Variants in GAB4 observed in about 807,000 individuals in gnomAD.
GAB4 encodes GRB2-associated-binding protein 4.
GAB4 carries 26 observed loss-of-function variants against 51.3 expected under a neutral mutation model. The ratio of observed to expected loss-of-function variants is 0.51; its 90% CI spans 0.37 to 0.70. The LOEUF (loss-of-function observed/expected upper bound fraction) is 0.70, where lower values mean the gene tolerates loss of function less well. Ranked by LOEUF, GAB4 falls within the 30% of genes least tolerant of loss-of-function variation. The probability of loss-of-function intolerance (pLI) is 0.00; values close to 1 mark genes in which losing one functional copy is unlikely to be tolerated. For synonymous variants in GAB4, 329 were observed against 291.2 expected, an observed-to-expected ratio of 1.13 and a Z score of -1.32; for missense variants, 759 against 734.6, an observed-to-expected ratio of 1.03 and a Z score of -0.38.
At chr22:17,004,352 A>G (rs886654493) in intron 1 of GAB4, among the ~76,000 whole-genome samples, 12 of 152,234 alleles carry the variant, frequency 7.9e-5, no homozygotes, top group Admixed American at 7.2e-4. Flanking sequence ...TCCTGATACA[A>G]AACCCTAGCA....
At chr22:16,975,634 T>A (rs907718027) in intron 3 of GAB4, among the ~76,000 whole-genome samples, 9 of 152,118 alleles carry the variant, frequency 5.9e-5, no homozygotes, top group African/African-American at 2.2e-4. Context: ...AAGCAGCATA[T>A]CTCCCAGCAC....
chr22:16,965,670 C>A (rs191527849), intron 6 of GAB4, among the ~76,000 whole-genome samples: 41 of 152,326 alleles, frequency 2.7e-4, no homozygotes, highest in Non-Finnish European at 5.4e-4. Context: ...AGCAGGTAGA[C>A]ACCATGAGGT....
rs1387384884 is a variant in GAB4 at position 16,962,648 on chromosome 22, G to C, written c.*85C>G. The C allele has an allele frequency of 4.0e-6, 5 of 1,262,528 alleles. No individual in the cohort carries two copies. In the Admixed American group the frequency reaches 6.2e-5, roughly 16 times the overall value. 78.2% of individuals were successfully genotyped at this position (1,262,528 alleles called of 1,614,324 possible). ...CCTCTGCTCTCTATGTAAGGGATGCGGTCCCTGATATTACAGAGCTTTAGA... is the reference window on the plus strand; with the variant it reads ...CCTCTGCTCTCTATGTAAGGGATGCCGTCCCTGATATTACAGAGCTTTAGA... On this transcript the variant is annotated 3_prime_UTR_variant, in exon 10 of 10. Transcript: ENST00000400588.
intron 3 of GAB4, among the ~76,000 whole-genome samples, chr22:16,984,038 T>C (rs547945650): frequency 3.9e-5 from 6 of 152,314 alleles, no homozygotes; most frequent in African/African-American, 1.4e-4. Flanking sequence ...TAGGAGAAAG[T>C]ATTTTCAAAC....
chr22:16,971,737 T>C (rs1482183624), intron 3 of GAB4, among the ~76,000 whole-genome samples: 1 of 152,178 alleles, frequency 6.6e-6, no homozygotes, highest in Non-Finnish European at 1.5e-5. Flanking sequence ...ACTGCCTCAC[T>C]GGTATGCTCT....
intron 2 of GAB4, among the ~76,000 whole-genome samples, 177 bp downstream of exon 2, chr22:16,991,696 G>A (rs2060915191): frequency 6.6e-6 from 1 of 152,190 alleles, no homozygotes; most frequent in African/African-American, 2.4e-5. Context: ...GGGAGAGGTG[G>A]AGGACTGAGG....
chr22:16,994,205 A>C (rs981987433), intron 1 of GAB4, among the ~76,000 whole-genome samples: 2 of 152,110 alleles, frequency 1.3e-5, no homozygotes, highest in Non-Finnish European at 2.9e-5. Flanking sequence ...AAATCACTCT[A>C]ATCAGGCTGT....
At chr22:17,005,630 G>A (rs750908037) in intron 1 of GAB4, among the ~76,000 whole-genome samples, 32 of 151,802 alleles carry the variant, frequency 2.1e-4, no homozygotes, top group Non-Finnish European at 4.3e-4. Flanking sequence ...ACCAAAACAT[G>A]TTACTGGTAC....
chr22:16,975,631 A>G (rs1386524240), intron 3 of GAB4, among the ~76,000 whole-genome samples: 1 of 152,230 alleles, frequency 6.6e-6, no homozygotes, highest in Non-Finnish European at 1.5e-5. Flanking sequence ...AGAAAGCAGC[A>G]TATCTCCCAG....
chr22:16,981,818 A>G (rs192716194), intron 3 of GAB4, among the ~76,000 whole-genome samples: 1 of 152,246 alleles, frequency 6.6e-6, no homozygotes, highest in African/African-American at 2.4e-5. Context: ...AAAAAAGAAA[A>G]CATCCCTGAT....
rs570432733 is a variant in GAB4 at position 16,974,214 on chromosome 22, C to T, written c.687-4021G>A. 2.4e-4 allele frequency among the ~76,000 whole-genome samples: 36 copies of T among 152,262 alleles called. No individual in the cohort carries two copies. In the South Asian group the frequency reaches 6.4e-3, roughly 27 times the overall value. On this transcript the variant is annotated intron_variant, in intron 3 of 9. Transcript: ENST00000400588. ...GATGTCCTGCATTGCTTTTGTTGGA[C>T]GGATAATTGGGAGCAGTGGATTTGG... is the stretch of plus-strand genomic sequence containing the variant.
At chr22:16,985,491 T>C (rs1480042565) in intron 3 of GAB4, among the ~76,000 whole-genome samples, 1 of 152,228 alleles carries the variant, frequency 6.6e-6, no homozygotes, top group African/African-American at 2.4e-5. Flanking sequence ...AAACAATTGT[T>C]TTCTAATGTC....
chr22:16,994,837 G>A (rs748337288), intron 1 of GAB4, among the ~76,000 whole-genome samples: 3 of 152,138 alleles, frequency 2.0e-5, no homozygotes, highest in East Asian at 1.9e-4. Context: ...AAAGTCATAC[G>A]CACAGACATC....
rs574439473 is a variant in GAB4, at chr22:16,978,209, CA to C, written c.687-8017del. Among the ~76,000 whole-genome samples the C allele has an allele frequency of 3.2e-4, 49 of 152,002 alleles. No homozygotes were observed. The East Asian group carries it at 5.6e-3, about 17-fold the overall frequency. ...AGCAGAGCTGAAGGATATAGAGACA[CA>C]AAAAAACCTTCAAAAAATCGATGAA... On this transcript the variant is annotated intron_variant, in intron 3 of 9. Coordinates refer to ENST00000400588, the MANE Select transcript of GAB4 (RefSeq NM_001037814.1).
intron 1 of GAB4, among the ~76,000 whole-genome samples, chr22:16,997,089 T>A (rs2060956288): frequency 6.6e-6 from 1 of 152,184 alleles, no homozygotes; most frequent in African/African-American, 2.4e-5. Context: ...TTGTGAATAG[T>A]GCCGCAATAA....
At chr22:17,001,196 G>A (rs56810240) in intron 1 of GAB4, among the ~76,000 whole-genome samples, 8 of 152,108 alleles carry the variant, frequency 5.3e-5, no homozygotes, top group Non-Finnish European at 1.2e-4. Context: ...GCCTTGCTAG[G>A]TTGGGGAAAT....
chr22:16,987,822 A>G (rs1019423938), intron 3 of GAB4, 138 bp downstream of exon 3: 7 of 634,654 alleles, frequency 1.1e-5, no homozygotes, highest in Admixed American at 6.7e-5. Context: ...AAAAAATTAA[A>G]TGTTGTTATA....
chr22:16,987,923 G>C (rs781687327), intron 3 of GAB4, 37 bp downstream of exon 3: 1 of 1,494,822 alleles, frequency 6.7e-7, no homozygotes, highest in Admixed American at 1.9e-5. Flanking sequence ...AGACCTTGTG[G>C]GGGTCACTGC....
intron 3 of GAB4, among the ~76,000 whole-genome samples, chr22:16,979,479 T>G (rs2060809229): frequency 6.6e-6 from 1 of 151,866 alleles, no homozygotes. Flanking sequence ...AAGGACCTCT[T>G]CAAGGAGAAC....
Sources: allele counts gnomAD v4.1 joint callset (sites outside exome capture counted in the v4.1 genomes callset), GRCh38; gene constraint gnomAD v4.1.1; transcripts MANE v1.5; gene names NCBI Gene and HGNC (gene_info 2026-07-23, HGNC 2026-07-21).